The following NKAIN3 variants were observed in gnomAD, a reference collection of about 807,000 sequenced individuals.
NKAIN3 encodes sodium/potassium-transporting ATPase subunit beta-1-interacting protein 3.
In NKAIN3, 25 loss-of-function variants were observed where a neutral mutation model predicts 30.2. The ratio of observed to expected loss-of-function variants is 0.83; its 90% CI spans 0.60 to 1.16. The LOEUF is 1.16. Among genes scored for constraint, NKAIN3 ranks in the 50% most tolerant of loss-of-function variants. The pLI, the probability that NKAIN3 is intolerant of heterozygous loss-of-function variation, is 0.00. For missense variants in NKAIN3, 225 were observed against 254.1 expected (o/e 0.89, Z 0.78); for synonymous variants, 91 against 89.6 (o/e 1.02, Z -0.09).
rs1293235675 is a variant in NKAIN3 at position 62,402,514 on chromosome 8, GTGGTTTCC to G, written c.54+153389_54+153396del. Among the ~76,000 whole-genome samples the G allele has an allele frequency of 2.6e-5, 4 of 151,768 alleles. No homozygotes were observed. The East Asian group carries it at 8.0e-4, about 30-fold the overall frequency. On this transcript the variant is annotated intron_variant, in intron 1 of 6. Transcript: ENST00000623646. ...GGTGGGAAGTAATTGAATCATCGGG[GTGGTTTCC>G]TCCATGCCATTCTCATGATAGTGAG...
intron 4 of NKAIN3, among the ~76,000 whole-genome samples, chr8:62,867,597 T>C (rs1377075282): frequency 6.6e-6 from 1 of 152,222 alleles, no homozygotes; most frequent in Non-Finnish European, 1.5e-5. Flanking sequence ...CACTCATCCA[T>C]GACTGCTCTC....
At chr8:62,796,377 C>T (rs1817860371) in intron 4 of NKAIN3, among the ~76,000 whole-genome samples, 1 of 88,254 alleles carries the variant, frequency 1.1e-5, no homozygotes, top group Admixed American at 1.9e-4. Context: ...AAGTGAGACT[C>T]TGTCTCAAAA....
At chr8:62,758,188 CA>C (rs980692568) in intron 4 of NKAIN3, among the ~76,000 whole-genome samples, 1 of 151,476 alleles carries the variant, frequency 6.6e-6, no homozygotes, top group Non-Finnish European at 1.5e-5. Flanking sequence ...AAAAACAAAA[CA>C]AAAAAAACTC....
chr8:62,276,152 G>A (rs990315761), intron 1 of NKAIN3, among the ~76,000 whole-genome samples: 2 of 152,102 alleles, frequency 1.3e-5, no homozygotes, highest in Non-Finnish European at 1.5e-5. Flanking sequence ...TGCAACCTCC[G>A]CCTCCTGGGC....
In NKAIN3 at chr8:62,969,345, T is replaced by C. The variant is rs1823781904; in HGVS notation, c.*3938T>C. ...TCATTAAAACTAGCTAAAATGTACA[T>C]TGCAAATCTGAAGAAAACAATCATG... On this transcript the variant is annotated 3_prime_UTR_variant, in exon 7 of 7. Transcript: ENST00000623646. Among the ~76,000 whole-genome samples, 2 of 152,312 alleles carry C rather than the reference T, an allele frequency of 1.3e-5. No individual in the cohort carries two copies. The highest frequency in any genetic ancestry group is 4.8e-5 in the African/African-American group (2 of 41,566).
intron 4 of NKAIN3, 88 bp from the exon 5 acceptor site, chr8:62,918,365 A>C (rs1290368176): frequency 2.1e-6 from 2 of 935,118 alleles, no homozygotes; most frequent in Non-Finnish European, 3.3e-6. Flanking sequence ...GTTGCTCATA[A>C]ATATTTATCT....
chr8:62,403,109 C>T (rs1803941746), intron 1 of NKAIN3, among the ~76,000 whole-genome samples: 1 of 152,166 alleles, frequency 6.6e-6, no homozygotes, highest in African/African-American at 2.4e-5. Flanking sequence ...GTCACTCTTG[C>T]TCTTCAAAGA....
At position 62,984,796 on chromosome 8, in the gene NKAIN3, A is replaced by G. The variant is rs1191392709; in HGVS notation, c.*19389A>G. ...AAGTGTTATTTAACAGAAACTACATACATTTTTTATGTCTCTCTGGACCCT... is the reference window on the plus strand; with the variant it reads ...AAGTGTTATTTAACAGAAACTACATGCATTTTTTATGTCTCTCTGGACCCT... On this transcript the variant is annotated 3_prime_UTR_variant, in exon 7 of 7. Transcript: ENST00000623646. 1 of 152,240 alleles carries G rather than the reference A, an allele frequency of 6.6e-6. No individual in the cohort carries two copies. Among genetic ancestry groups the G allele is most frequent in the Admixed American group, 6.5e-5 (1 of 15,280 alleles). The allele number at this position is 152,240 out of a possible 1,614,324, so 9.4% of individuals were successfully genotyped here.
intron 4 of NKAIN3, among the ~76,000 whole-genome samples, chr8:62,760,969 G>A (rs140413988): frequency 3.3e-5 from 5 of 152,128 alleles, no homozygotes; most frequent in South Asian, 4.1e-4. Context: ...AACGGGTAAC[G>A]TCAGGTATTG....
At chr8:62,663,175 G>T (rs544290424) in intron 3 of NKAIN3, among the ~76,000 whole-genome samples, 143 of 152,298 alleles carry the variant, frequency 9.4e-4, no homozygotes, top group Non-Finnish European at 1.8e-3. Context: ...AAGAGATGAA[G>T]TTGAAAATGT....
At chr8:62,738,601 C>CAAAAAA (rs3032912) in intron 3 of NKAIN3, among the ~76,000 whole-genome samples, 1 of 125,014 alleles carries the variant, frequency 8.0e-6, no homozygotes, top group Admixed American at 8.6e-5. Flanking sequence ...ACTCCATCTC[C>CAAAAAA]AAAAAAAAAA....
At chr8:62,671,283 G>A (rs1813295621) in intron 3 of NKAIN3, among the ~76,000 whole-genome samples, 1 of 151,912 alleles carries the variant, frequency 6.6e-6, no homozygotes, top group Admixed American at 6.6e-5. Context: ...CTTGTTTATA[G>A]CCAAGAACAT....
chr8:62,418,079 C>T (rs1804508548), intron 1 of NKAIN3, among the ~76,000 whole-genome samples: 1 of 152,142 alleles, frequency 6.6e-6, no homozygotes, highest in Admixed American at 6.5e-5. Flanking sequence ...AGTTACAGCC[C>T]TGATTGAGGT....
chr8:62,448,080 G>A (rs1245773623), intron 1 of NKAIN3, among the ~76,000 whole-genome samples: 1 of 151,834 alleles, frequency 6.6e-6, no homozygotes, highest in Non-Finnish European at 1.5e-5. Flanking sequence ...TAATAATTAG[G>A]TATAATTTAT....
chr8:62,854,898 C>A (rs1380672562), intron 4 of NKAIN3, among the ~76,000 whole-genome samples: 4 of 152,128 alleles, frequency 2.6e-5, no homozygotes, highest in Non-Finnish European at 5.9e-5. Flanking sequence ...GGTTTAACAT[C>A]CCACTGACAT....
intron 1 of NKAIN3, among the ~76,000 whole-genome samples, chr8:62,281,361 G>A: frequency 6.6e-6 from 1 of 151,496 alleles, no homozygotes; most frequent in Non-Finnish European, 1.5e-5. Context: ...GGTTTTTTTT[G>A]TGTCTCTATC....
At chr8:62,510,238 G>A (rs1807777896) in intron 1 of NKAIN3, among the ~76,000 whole-genome samples, 1 of 152,252 alleles carries the variant, frequency 6.6e-6, no homozygotes, top group East Asian at 1.9e-4. Context: ...GCTTGCAGGT[G>A]AAAGGAATAT....
At chr8:62,937,041 A>G (rs1178477291) in intron 5 of NKAIN3, among the ~76,000 whole-genome samples, 1 of 152,040 alleles carries the variant, frequency 6.6e-6, no homozygotes, top group East Asian at 1.9e-4. Flanking sequence ...ATTGTGATCT[A>G]TTGATTTTTA....
chr8:62,860,824 A>C (rs1820217297), intron 4 of NKAIN3, among the ~76,000 whole-genome samples: 1 of 152,238 alleles, frequency 6.6e-6, no homozygotes, highest in Non-Finnish European at 1.5e-5. Flanking sequence ...AGGATAAGAC[A>C]GCCTCCAGAC....
Sources: gnomAD v4.1 joint callset for allele counts (sites outside exome capture counted in the v4.1 genomes callset) on GRCh38, gnomAD v4.1.1 for gene constraint, MANE v1.5 for transcripts, NCBI Gene and HGNC (gene_info 2026-07-23, HGNC 2026-07-21) for gene names.